Variants in PRPF39 observed in about 807,000 individuals in gnomAD.
PRPF39 encodes the protein pre-mRNA-processing factor 39.
PRPF39 carries 27 observed loss-of-function variants against 82.1 expected under a neutral mutation model. The observed-to-expected ratio is 0.33, with a 90% CI of 0.24 to 0.45. PRPF39 has a LOEUF of 0.45. Ranked by LOEUF, PRPF39 falls within the 20% of genes least tolerant of loss-of-function variation. The pLI, the probability that PRPF39 is intolerant of heterozygous loss-of-function variation, is 1.00. For synonymous variants in PRPF39, 261 were observed against 256.4 expected (o/e 1.02, Z -0.17); for missense variants, 581 against 796.9 (o/e 0.73, Z 3.26).
intron 4 of PRPF39, among the ~76,000 whole-genome samples, chr14:45,097,854 A>G (rs1255123745): frequency 3.9e-5 from 6 of 152,204 alleles, no homozygotes; most frequent in African/African-American, 9.6e-5. Flanking sequence ...GAAGTTAGCT[A>G]ATGTTAAACT....
At chr14:45,099,912 T>C (rs1294782353) in intron 4 of PRPF39, among the ~76,000 whole-genome samples, 1 of 152,206 alleles carries the variant, frequency 6.6e-6, no homozygotes, top group Non-Finnish European at 1.5e-5. Context: ...ATTTTTCTGT[T>C]TACCCATTTT....
chr14:45,107,759 TCTATA>T, intron 6 of PRPF39, 143 bp downstream of exon 6: 1 of 779,344 alleles, frequency 1.3e-6, no homozygotes, highest in Non-Finnish European at 2.0e-6. Flanking sequence ...TGAAACCCTG[TCTATA>T]CTAAACATAC....
intron 10 of PRPF39, 195 bp downstream of exon 10, chr14:45,111,012 C>T (rs1884680387): frequency 1.8e-6 from 1 of 565,762 alleles, no homozygotes; most frequent in Non-Finnish European, 3.1e-6. Context: ...AAGTTTTAGA[C>T]ATTAAGATTA....
chr14:45,113,378 T>C (rs1260702437), intron 11 of PRPF39, among the ~76,000 whole-genome samples: 3 of 152,212 alleles, frequency 2.0e-5, no homozygotes, highest in African/African-American at 7.2e-5. Flanking sequence ...AGAATGAGGG[T>C]GTAGGGTTCT....
rs1884807697 is a variant in PRPF39 at position 45,115,377 on chromosome 14, G to A, written c.*464G>A. Reference sequence around the variant, plus strand: ...TGTTTCAGTTATACTTGTGAATTGTGATCTAACTGCAGAAAGGATACATTA... The same window carrying A: ...TGTTTCAGTTATACTTGTGAATTGTAATCTAACTGCAGAAAGGATACATTA... On this transcript the variant is annotated 3_prime_UTR_variant, in exon 14 of 14. Coordinates refer to ENST00000355765, the MANE Select transcript of PRPF39 (RefSeq NM_017922.4). 6.7e-6 allele frequency: 1 copy of A among 150,356 alleles called. No homozygotes were observed. Among genetic ancestry groups the A allele is most frequent in the South Asian group, 2.1e-4 (1 of 4,780 alleles). 9.3% of individuals were successfully genotyped at this position (150,356 alleles called of 1,614,324 possible).
intron 1 of PRPF39, among the ~76,000 whole-genome samples, chr14:45,086,894 A>G (rs1265707355): frequency 1.4e-5 from 2 of 142,104 alleles, no homozygotes; most frequent in Non-Finnish European, 3.0e-5. Flanking sequence ...TAAGATGTAC[A>G]TGGACATCAC....
At chr14:45,102,054 G>A (rs1884392626) in intron 4 of PRPF39, among the ~76,000 whole-genome samples, 1 of 151,960 alleles carries the variant, frequency 6.6e-6, no homozygotes, top group Non-Finnish European at 1.5e-5. Context: ...TGATCCTCCC[G>A]CCTCAGCCTC....
intron 2 of PRPF39, 137 bp from the exon 3 acceptor site, chr14:45,095,966 G>C: frequency 1.5e-6 from 1 of 661,836 alleles, no homozygotes; most frequent in South Asian, 3.1e-5. Context: ...TGCTCCATCG[G>C]CAGAGCAGCC....
chr14:45,109,576 A>G (rs1308802521), intron 7 of PRPF39, 40 bp from the exon 8 acceptor site: 3 of 1,540,474 alleles, frequency 1.9e-6, no homozygotes, highest in Non-Finnish European at 2.6e-6. Flanking sequence ...TTTTGGTGAT[A>G]TTGGTTTACT....
chr14:45,094,455 C>A (rs758984580), intron 1 of PRPF39, among the ~76,000 whole-genome samples: 20 of 152,006 alleles, frequency 1.3e-4, no homozygotes, highest in African/African-American at 3.6e-4. Context: ...GCTGGAGTAT[C>A]GTAGCAGGGT....
chr14:45,103,670 G>A (rs947848965), intron 5 of PRPF39, among the ~76,000 whole-genome samples: 8 of 152,068 alleles, frequency 5.3e-5, no homozygotes, highest in African/African-American at 1.9e-4. Context: ...ATGAAATAGA[G>A]GAAGCAGGCA....
Position 45,114,434 on chromosome 14 carries a change from A to G in PRPF39, c.1833-60A>G, listed in dbSNP as rs1033836865. ...ACAAATATACAGATAACATTCATCT[A>G]TTCGTTAAAGTTCTTACCTGTGGGA... On this transcript the variant is annotated intron_variant, in intron 12 of 13. Transcript: ENST00000355765. The G allele has an allele frequency of 1.6e-5, 23 of 1,479,426 alleles. No homozygotes were observed. In the South Asian group the frequency reaches 2.1e-4, roughly 14 times the overall value. 91.6% of individuals were successfully genotyped at this position (1,479,426 alleles called of 1,614,324 possible).
chr14:45,108,027 C>T (rs888878119), intron 6 of PRPF39, among the ~76,000 whole-genome samples: 1 of 152,082 alleles, frequency 6.6e-6, no homozygotes, highest in East Asian at 1.9e-4. Flanking sequence ...GCCATTTACC[C>T]AGTGACTTGT....
intron 3 of PRPF39, chr14:45,096,550 T>C (rs2139045424): frequency 7.0e-7 from 1 of 1,432,508 alleles, no homozygotes; most frequent in East Asian, 3.4e-5. Flanking sequence ...ACAATATAGT[T>C]GGTTTGCTAG....
chr14:45,110,921 A>C lies in PRPF39; in HGVS notation c.1572+104A>C, dbSNP rs566286272. Reference sequence around the variant, plus strand: ...GAAAGATTTGGTCTGTATGTAATAGATTTTATTACTAAATGAGGACAACAG... The same window carrying C: ...GAAAGATTTGGTCTGTATGTAATAGCTTTTATTACTAAATGAGGACAACAG... On this transcript the variant is annotated intron_variant, in intron 10 of 13. Transcript: ENST00000355765. The surrounding 1 kb of genome is among the most constrained non-coding windows in gnomAD (Gnocchi z 4.0). 170 of 1,117,478 alleles carry C rather than the reference A, an allele frequency of 1.5e-4. No individual in the cohort carries two copies. The African/African-American group carries it at 2.5e-3, about 17-fold the overall frequency. The allele number at this position is 1,117,478 out of a possible 1,614,324, so 69.2% of individuals were successfully genotyped here.
At chr14:45,088,313 G>GAA in intron 1 of PRPF39, 2 of 163,706 alleles carry the variant, frequency 1.2e-5, no homozygotes, top group Non-Finnish European at 2.6e-5. Context: ...AGCAATTGTT[G>GAA]AAAAAAAAAT....
At chr14:45,093,200 T>G (rs1884092890) in intron 1 of PRPF39, among the ~76,000 whole-genome samples, 1 of 152,058 alleles carries the variant, frequency 6.6e-6, no homozygotes, top group African/African-American at 2.4e-5. Flanking sequence ...TCCTTTTTAA[T>G]TCTTATTATT....
chr14:45,096,727 T>C (rs1884212627), intron 3 of PRPF39, 160 bp from the exon 4 acceptor site: 1 of 1,530,610 alleles, frequency 6.5e-7, no homozygotes, highest in Non-Finnish European at 8.8e-7. Context: ...GATCAGAACA[T>C]TGCCATGTTC....
At position 45,092,625 on chromosome 14, in the gene PRPF39, G is replaced by T. The variant is rs546053344; in HGVS notation, c.-19-2596G>T. Reference sequence around the variant, plus strand: ...CAAAAAAAAAAAAAAAAAAAAAAAAGTCGTCAGCATCTTTCCAAATTTAGT... The same window carrying T: ...CAAAAAAAAAAAAAAAAAAAAAAAATTCGTCAGCATCTTTCCAAATTTAGT... On this transcript the variant is annotated intron_variant, in intron 1 of 13. Coordinates refer to ENST00000355765, the MANE Select transcript of PRPF39 (RefSeq NM_017922.4). Among the ~76,000 whole-genome samples the T allele has an allele frequency of 6.7e-5, 9 of 134,416 alleles. No individual in the cohort carries two copies. In the East Asian group the frequency reaches 1.7e-3, roughly 25 times the overall value. The allele number at this position is 134,416 out of a possible 152,430, so 88.2% of individuals were successfully genotyped here.
Sources: gnomAD v4.1 joint callset for allele counts (sites outside exome capture counted in the v4.1 genomes callset) on GRCh38, gnomAD v4.1.1 for gene constraint, Gnocchi (gnomAD v3.1) non-coding constraint, MANE v1.5 for transcripts, NCBI Gene and HGNC (gene_info 2026-07-23, HGNC 2026-07-21) for gene names.